Variants in CA10 observed in about 807,000 individuals in gnomAD.
CA10 encodes carbonic anhydrase-related protein 10.
A neutral mutation model predicts 44.2 loss-of-function variants in CA10; 14 were observed. The ratio of observed to expected loss-of-function variants is 0.32; its 90% CI spans 0.21 to 0.50. The LOEUF (loss-of-function observed/expected upper bound fraction) is 0.50. Among genes scored for constraint, CA10 ranks in the 20% least tolerant of loss-of-function variants. The pLI is 0.99. For missense variants in CA10, 350 were observed against 409.7 expected (o/e 0.85, Z 1.26); for synonymous variants, 159 against 141.6 (o/e 1.12, Z -0.87).
chr17:51,874,378 G>C (rs1979953261), intron 3 of CA10, among the ~76,000 whole-genome samples: 1 of 145,830 alleles, frequency 6.9e-6, no homozygotes, highest in Non-Finnish European at 1.5e-5. Flanking sequence ...TCTACTCTTG[G>C]AGTAATTATT....
intron 1 of CA10, among the ~76,000 whole-genome samples, chr17:52,122,813 T>A (rs1989040322): frequency 6.6e-6 from 1 of 152,198 alleles, no homozygotes; most frequent in African/African-American, 2.4e-5. Context: ...AGTCACAAAT[T>A]TAACATTAAC....
intron 3 of CA10, among the ~76,000 whole-genome samples, chr17:51,770,504 T>A (rs1905562135): frequency 6.6e-6 from 1 of 152,094 alleles, no homozygotes; most frequent in Non-Finnish European, 1.5e-5. Context: ...GTTTCCTCTG[T>A]TTCCTATGTG....
chr17:51,893,906 A>C (rs764214389), intron 3 of CA10, among the ~76,000 whole-genome samples: 1 of 152,156 alleles, frequency 6.6e-6, no homozygotes, highest in Non-Finnish European at 1.5e-5. Context: ...ATTTGTTACA[A>C]TTTACAAAAA....
chr17:51,873,489 C>T (rs1979912016), intron 3 of CA10, among the ~76,000 whole-genome samples: 1 of 152,204 alleles, frequency 6.6e-6, no homozygotes, highest in African/African-American at 2.4e-5. Flanking sequence ...AACTACATCT[C>T]CCACACTCCC....
chr17:51,685,148 G>A (rs1013054665), intron 4 of CA10, among the ~76,000 whole-genome samples: 1 of 152,196 alleles, frequency 6.6e-6, no homozygotes, highest in Non-Finnish European at 1.5e-5. Flanking sequence ...ATTAGGCTAG[G>A]GATGGTTGAA....
chr17:51,777,675 G>C (rs866115142), intron 3 of CA10, among the ~76,000 whole-genome samples: 16 of 152,326 alleles, frequency 1.1e-4, no homozygotes, highest in African/African-American at 2.6e-4. Flanking sequence ...CAGGCGCAGG[G>C]GTTCACGCCT....
intron 2 of CA10, among the ~76,000 whole-genome samples, chr17:52,006,482 G>A (rs1022306627): frequency 7.3e-5 from 11 of 151,680 alleles, no homozygotes; most frequent in Non-Finnish European, 1.5e-5. Flanking sequence ...AAAGGCAAAT[G>A]TAGTGGAAGA....
chr17:52,042,011 G>T (rs910860254), intron 2 of CA10, among the ~76,000 whole-genome samples: 2 of 152,068 alleles, frequency 1.3e-5, no homozygotes, highest in South Asian at 4.1e-4. Flanking sequence ...TGGACACTTA[G>T]ATTGTTTCCA....
intron 2 of CA10, among the ~76,000 whole-genome samples, chr17:51,986,174 A>ACAGAATAGAG (rs941130366): frequency 1.1e-4 from 17 of 152,154 alleles, no homozygotes; most frequent in Non-Finnish European, 2.9e-5. Flanking sequence ...GACCAATGGA[A>ACAGAATAGAG]CAGAATAGAG....
intron 3 of CA10, among the ~76,000 whole-genome samples, chr17:51,879,117 A>T (rs1283489595): frequency 6.6e-6 from 1 of 151,712 alleles, no homozygotes; most frequent in Admixed American, 6.6e-5. Context: ...GATTCAATTT[A>T]TTCAAAATGG....
At chr17:52,081,799 CAAAAAAA>C (rs10707842) in intron 1 of CA10, among the ~76,000 whole-genome samples, 1 of 78,332 alleles carries the variant, frequency 1.3e-5, no homozygotes, top group African/African-American at 4.6e-5. Context: ...GACTCCGTCT[CAAAAAAA>C]AAAAAAAAAA....
rs193034913 is a variant in CA10 at position 52,108,177 on chromosome 17, T to A, written c.62-35784A>T. Among the ~76,000 whole-genome samples, 370 of 136,428 alleles carry A rather than the reference T, an allele frequency of 2.7e-3. 4 individuals are homozygous for A. The highest frequency in any genetic ancestry group is 9.7e-3 in the African/African-American group (356 of 36,848). The allele number at this position is 136,428 out of a possible 152,430, so 89.5% of individuals were successfully genotyped here. On this transcript the variant is annotated intron_variant, in intron 1 of 8. Transcript: ENST00000451037. The stretch of plus-strand genomic sequence containing the variant: ...GTGTATATATATATTTTTAATATAT[T>A]TTTATATATATATTTTTTATATATA...
At chr17:51,844,791 C>T (rs1978417427) in intron 3 of CA10, among the ~76,000 whole-genome samples, 1 of 152,156 alleles carries the variant, frequency 6.6e-6, no homozygotes, top group African/African-American at 2.4e-5. Flanking sequence ...ATTAATAAAA[C>T]AAAACAGAAA....
chr17:51,724,467 G>A (rs749696292), intron 4 of CA10, among the ~76,000 whole-genome samples: 52 of 152,212 alleles, frequency 3.4e-4, no homozygotes, highest in Non-Finnish European at 7.1e-4. Context: ...TGCTTTGGAT[G>A]AGGTAAAAGA....
intron 3 of CA10, among the ~76,000 whole-genome samples, chr17:51,756,924 G>A (rs955744591): frequency 1.3e-5 from 2 of 152,198 alleles, no homozygotes; most frequent in African/African-American, 2.4e-5. Flanking sequence ...GTCCCCGCTT[G>A]CTGGGAGTTG....
chr17:51,666,567 A>G (rs546852650), intron 4 of CA10, among the ~76,000 whole-genome samples: 17 of 151,562 alleles, frequency 1.1e-4, no homozygotes, highest in Non-Finnish European at 2.2e-4. Flanking sequence ...ACTGCCTGCC[A>G]ACTTTCCCCT....
At chr17:51,807,863 A>G (rs2062630) in intron 3 of CA10, among the ~76,000 whole-genome samples, 5,200 of 152,316 alleles carry the variant, frequency 0.034, 302 homozygotes, top group African/African-American at 0.12. Context: ...CTGATGGGGA[A>G]CATTAGTGGA....
intron 1 of CA10, among the ~76,000 whole-genome samples, chr17:52,143,656 A>C (rs1989527058): frequency 1.3e-5 from 2 of 152,188 alleles, no homozygotes; most frequent in African/African-American, 4.8e-5. Context: ...CTGGGACCTA[A>C]AATCAGGCTG....
At chr17:51,926,226 A>G (rs923070048) in intron 3 of CA10, among the ~76,000 whole-genome samples, 1 of 152,180 alleles carries the variant, frequency 6.6e-6, no homozygotes, top group Non-Finnish European at 1.5e-5. Flanking sequence ...TTGGACTGGA[A>G]GTGTCAGGAG....
Sources: gnomAD v4.1 joint callset for allele counts (sites outside exome capture counted in the v4.1 genomes callset) on GRCh38, gnomAD v4.1.1 for gene constraint, MANE v1.5 for transcripts, NCBI Gene and HGNC (gene_info 2026-07-23, HGNC 2026-07-21) for gene names.